The following UPP2 variants were observed in gnomAD, a reference collection of about 807,000 sequenced individuals.
The protein encoded by UPP2 is UPase 2.
A neutral mutation model predicts 26.7 loss-of-function variants in UPP2; 23 were observed. That is an observed-to-expected ratio of 0.86 (90% confidence interval 0.62 to 1.22). The LOEUF (loss-of-function observed/expected upper bound fraction) is 1.22. Ranked by LOEUF, UPP2 falls within the 50% of genes most tolerant of loss-of-function variation. The pLI, the probability that UPP2 is intolerant of heterozygous loss-of-function variation, is 0.00. For missense variants in UPP2, 387 were observed against 396.7 expected, an observed-to-expected ratio of 0.98 and a Z score of 0.21; for synonymous variants, 127 against 141.3, an observed-to-expected ratio of 0.90 and a Z score of 0.72.
At chr2:158,004,938 C>T (rs1412110958) in intron 2 of UPP2, among the ~76,000 whole-genome samples, 1 of 152,150 alleles carries the variant, frequency 6.6e-6, no homozygotes, top group Non-Finnish European at 1.5e-5. Context: ...TTAAATTGTA[C>T]AATTTTTGGT....
In UPP2 at chr2:158,117,837, T is replaced by C. The variant is rs200975180; in HGVS notation, c.353T>C (p.Ile118Thr). 14 of 1,611,204 alleles carry C rather than the reference T, an allele frequency of 8.7e-6. No homozygotes were observed. Among genetic ancestry groups the C allele is most frequent in the Non-Finnish European group, 1.1e-5 (13 of 1,177,500 alleles). The part of the protein sequence containing the change: ...PVLAISHGMG[I>T]PSISIMLHEL... ...TTCTCTCAATAGCACGGCATGGGCA[T>C]CCCCTCCATTTCTATTATGCTTCAT... The change falls in exon 4 of 7, where the codon ATC becomes ACC. Residue 118 changes from isoleucine (I) to threonine (T), a missense_variant. Ile to Thr is a moderately conservative substitution (Grantham distance 89, BLOSUM62 -1). Coordinates refer to ENST00000005756, the MANE Select transcript of UPP2 (RefSeq NM_173355.4).
chr2:158,039,902 G>T (rs981305698), intron 3 of UPP2, among the ~76,000 whole-genome samples: 3 of 152,218 alleles, frequency 2.0e-5, no homozygotes, highest in Non-Finnish European at 4.4e-5. Flanking sequence ...CAGGGGAGGG[G>T]TGCTGTGCCT....
At chr2:158,039,118 C>G (rs978168965) in intron 3 of UPP2, among the ~76,000 whole-genome samples, 1 of 152,198 alleles carries the variant, frequency 6.6e-6, no homozygotes, top group South Asian at 2.1e-4. Flanking sequence ...TATTTGGGTG[C>G]GTGACGTAAG....
At chr2:158,076,355 A>G (rs1682630518) in intron 3 of UPP2, among the ~76,000 whole-genome samples, 1 of 152,070 alleles carries the variant, frequency 6.6e-6, no homozygotes, top group Non-Finnish European at 1.5e-5. Context: ...AGAACCAGAC[A>G]AAGACACATC....
Position 158,121,482 on chromosome 2 carries a change from C to A in UPP2, c.528C>A (p.Val176=), listed in dbSNP as rs765541389. ...TCTTTAAGCCCCGGTTTGAACAGGT[C>A]ATTTTGGACAACATTGTCACCCGAA... The part of the protein sequence containing the change: ...DSFFKPRFEQ[V]ILDNIVTRST... Residue 176 remains valine (V), a synonymous_variant, in exon 5 of 7, where the codon GTC becomes GTA. Transcript: ENST00000005756. 1.2e-6 allele frequency: 2 copies of A among 1,613,264 alleles called. No homozygotes were observed. Among genetic ancestry groups the A allele is most frequent in the African/African-American group, 1.3e-5 (1 of 74,856 alleles).
chr2:158,091,056 C>T (rs1029561208), intron 3 of UPP2, among the ~76,000 whole-genome samples: 1 of 152,172 alleles, frequency 6.6e-6, no homozygotes, highest in Non-Finnish European at 1.5e-5. Flanking sequence ...CAGTGAGAAA[C>T]GGAAGTAACG....
chr2:158,016,621 C>T (rs1683664375), intron 3 of UPP2, among the ~76,000 whole-genome samples: 1 of 152,066 alleles, frequency 6.6e-6, no homozygotes, highest in Admixed American at 6.5e-5. Flanking sequence ...TTACAGGTGT[C>T]AGCCACTGCA....
intron 3 of UPP2, among the ~76,000 whole-genome samples, chr2:158,071,152 G>C (rs1246153350): frequency 3.9e-5 from 6 of 152,152 alleles, no homozygotes; most frequent in Non-Finnish European, 8.8e-5. Context: ...GCTAGGATTA[G>C]AGCCAGTGGA....
At chr2:158,036,943 A>G (rs1227076016) in intron 3 of UPP2, among the ~76,000 whole-genome samples, 2 of 152,200 alleles carry the variant, frequency 1.3e-5, no homozygotes, top group Non-Finnish European at 2.9e-5. Context: ...CATCTCCAAC[A>G]AAACACTGGC....
chr2:158,118,719 C>T (rs1474607328), intron 4 of UPP2, among the ~76,000 whole-genome samples: 1 of 151,882 alleles, frequency 6.6e-6, no homozygotes, highest in Non-Finnish European at 1.5e-5. Context: ...ACTGAATGGG[C>T]ATTATAAAAA....
At chr2:158,022,653 C>T (rs1418284799) in intron 3 of UPP2, among the ~76,000 whole-genome samples, 1 of 152,146 alleles carries the variant, frequency 6.6e-6, no homozygotes, top group Non-Finnish European at 1.5e-5. Context: ...AGGCACAGCC[C>T]TCCATTCCCA....
intron 3 of UPP2, among the ~76,000 whole-genome samples, chr2:158,030,732 T>A (rs538338370): frequency 6.6e-6 from 1 of 152,334 alleles, no homozygotes; most frequent in South Asian, 2.1e-4. Context: ...ACAGCCAGGA[T>A]AACTAAATGT....
intron 6 of UPP2, among the ~76,000 whole-genome samples, chr2:158,125,531 C>T (rs1372656138): frequency 6.6e-6 from 1 of 151,704 alleles, no homozygotes; most frequent in African/African-American, 2.4e-5. Context: ...AAGCAATTCT[C>T]TTGCCTCAGC....
At chr2:158,115,433 A>G (rs546845328) in intron 3 of UPP2, among the ~76,000 whole-genome samples, 174 bp downstream of exon 3, 1 of 152,272 alleles carries the variant, frequency 6.6e-6, no homozygotes, top group East Asian at 1.9e-4. Flanking sequence ...CACAGCATGC[A>G]GCATCATTTT....
intron 3 of UPP2, among the ~76,000 whole-genome samples, chr2:158,041,697 G>A (rs2105164155): frequency 6.6e-6 from 1 of 152,338 alleles, no homozygotes; most frequent in East Asian, 1.9e-4. Context: ...ATGATTAAAT[G>A]AGAACTAATT....
chr2:158,092,956 T>C (rs1179426755), intron 3 of UPP2, among the ~76,000 whole-genome samples: 2 of 152,152 alleles, frequency 1.3e-5, no homozygotes, highest in Non-Finnish European at 2.9e-5. Flanking sequence ...TTTCTCACTT[T>C]GCCACCCAGG....
intron 2 of UPP2, among the ~76,000 whole-genome samples, chr2:158,001,957 C>CAAAAAAAA (rs200818827): frequency 3.7e-4 from 24 of 65,490 alleles, no homozygotes; most frequent in Non-Finnish European, 7.4e-4. Flanking sequence ...GAATGAGCAC[C>CAAAAAAAA]AAAAAAAAAA....
At chr2:158,067,246 T>G (rs1309626037) in intron 3 of UPP2, among the ~76,000 whole-genome samples, 1 of 152,112 alleles carries the variant, frequency 6.6e-6, no homozygotes, top group Non-Finnish European at 1.5e-5. Context: ...ACCATATATT[T>G]ATACTGTCTG....
At chr2:158,015,541 G>A (rs189270083) in intron 2 of UPP2, among the ~76,000 whole-genome samples, 1 of 152,242 alleles carries the variant, frequency 6.6e-6, no homozygotes. Flanking sequence ...GTGCTGCTGT[G>A]AACATGGATG....
Sources: allele counts gnomAD v4.1 joint callset (sites outside exome capture counted in the v4.1 genomes callset), GRCh38; gene constraint gnomAD v4.1.1; transcripts MANE v1.5; gene names NCBI Gene and HGNC (gene_info 2026-07-23, HGNC 2026-07-21).